UNC5C: variants seen among roughly 807,000 people sequenced by gnomAD.
The protein encoded by UNC5C is netrin receptor UNC5C.
In UNC5C, 47 loss-of-function variants were observed where a neutral mutation model predicts 99.8. That is an observed-to-expected ratio of 0.47 (90% CI 0.37 to 0.60). UNC5C has a LOEUF of 0.60. Among genes scored for constraint, UNC5C ranks in the 20% least tolerant of loss-of-function variants. The pLI, the probability that UNC5C is intolerant of heterozygous loss-of-function variation, is 0.00. For synonymous variants in UNC5C, 487 were observed against 452.2 expected (o/e 1.08, Z -0.98); for missense variants, 1,062 against 1,165.9 (o/e 0.91, Z 1.30).
Position 95,480,756 on chromosome 4 carries a change from A to G in UNC5C, c.124+67978T>C, listed in dbSNP as rs1423375867. ...CATATAAACAAAACAAAAGAAAAAA[A>G]CCACATGATTATCTCAATAGATGCA... is the stretch of plus-strand genomic sequence containing the variant. On this transcript the variant is annotated intron_variant, in intron 1 of 15. Transcript: ENST00000453304. Among the ~76,000 whole-genome samples the G allele has an allele frequency of 2.6e-5, 4 of 152,236 alleles. No individual in the cohort carries two copies. The East Asian group carries it at 7.8e-4, about 30-fold the overall frequency.
At chr4:95,339,523 A>G (rs1395914527) in intron 1 of UNC5C, among the ~76,000 whole-genome samples, 1 of 152,050 alleles carries the variant, frequency 6.6e-6, no homozygotes, top group South Asian at 2.1e-4. Context: ...TTGGAGCTAT[A>G]AAAAAATTGA....
At chr4:95,482,607 C>G (rs1404203671) in intron 1 of UNC5C, among the ~76,000 whole-genome samples, 1 of 147,420 alleles carries the variant, frequency 6.8e-6, no homozygotes, top group Non-Finnish European at 1.5e-5. Context: ...TTGGAACCAA[C>G]CCAAATGTCC....
At chr4:95,516,037 G>GA (rs1722209833) in intron 1 of UNC5C, among the ~76,000 whole-genome samples, 1 of 152,062 alleles carries the variant, frequency 6.6e-6, no homozygotes, top group African/African-American at 2.4e-5. Flanking sequence ...GACAAATCAA[G>GA]TAAAAAATTA....
chr4:95,260,674 C>T (rs946185766), intron 4 of UNC5C, among the ~76,000 whole-genome samples: 1 of 152,046 alleles, frequency 6.6e-6, no homozygotes, highest in Non-Finnish European at 1.5e-5. Flanking sequence ...GGGATGTGAC[C>T]TTGAGGGGAA....
chr4:95,174,432 G>A (rs1421735840), intron 14 of UNC5C, among the ~76,000 whole-genome samples: 2 of 151,902 alleles, frequency 1.3e-5, no homozygotes, highest in African/African-American at 4.8e-5. Context: ...CAGAGATTCT[G>A]GTATGTTGTG....
intron 1 of UNC5C, among the ~76,000 whole-genome samples, chr4:95,384,828 G>GA (rs1222222222): frequency 3.3e-5 from 5 of 152,204 alleles, no homozygotes; most frequent in African/African-American, 1.2e-4. Flanking sequence ...GGAGAAGAGG[G>GA]AACAAAATTT....
chr4:95,497,403 T>C (rs1310472340), intron 1 of UNC5C, among the ~76,000 whole-genome samples: 1 of 151,974 alleles, frequency 6.6e-6, no homozygotes, highest in African/African-American at 2.4e-5. Context: ...ATTAATTCTA[T>C]TCTACACTTA....
intron 1 of UNC5C, among the ~76,000 whole-genome samples, chr4:95,410,061 G>A (rs1322038329): frequency 1.3e-5 from 2 of 152,116 alleles, no homozygotes; most frequent in Admixed American, 6.5e-5. Context: ...TGAAAATAGT[G>A]ACTGCTAGTG....
rs56722105 is a variant in UNC5C, at chr4:95,331,171, A to G, written c.346+4239T>C. ...GTTTCAGTCTTTTTTATGGATGAATAGTATTCTATTGTTTGTATATATCAC... is the reference window on the plus strand; with the variant it reads ...GTTTCAGTCTTTTTTATGGATGAATGGTATTCTATTGTTTGTATATATCAC... On this transcript the variant is annotated intron_variant, in intron 2 of 15. Coordinates refer to ENST00000453304, the MANE Select transcript of UNC5C (RefSeq NM_003728.4). Among the ~76,000 whole-genome samples the G allele has an allele frequency of 1.6e-3, 240 of 152,228 alleles. 1 individual carries two copies. Among genetic ancestry groups the G allele is most frequent in the African/African-American group, 5.2e-3 (216 of 41,572 alleles).
intron 14 of UNC5C, among the ~76,000 whole-genome samples, chr4:95,182,244 A>T (rs1006036077): frequency 3.3e-5 from 5 of 152,240 alleles, no homozygotes; most frequent in African/African-American, 1.2e-4. Context: ...TGAAGATCAC[A>T]GCAAAGGAAG....
intron 2 of UNC5C, among the ~76,000 whole-genome samples, chr4:95,308,855 T>C (rs991777169): frequency 6.6e-6 from 1 of 151,064 alleles, no homozygotes; most frequent in African/African-American, 2.4e-5. Context: ...ATGTTCATAT[T>C]ACCCAAAGTG....
intron 1 of UNC5C, among the ~76,000 whole-genome samples, chr4:95,495,817 C>T (rs1250073301): frequency 6.6e-6 from 1 of 151,514 alleles, no homozygotes; most frequent in Admixed American, 6.6e-5. Flanking sequence ...ACTACAGAAG[C>T]AACAACAATC....
chr4:95,176,337 A>T (rs1013496979), intron 14 of UNC5C, among the ~76,000 whole-genome samples: 1 of 151,860 alleles, frequency 6.6e-6, no homozygotes, highest in African/African-American at 2.4e-5. Context: ...TAGAGTTTCC[A>T]GTTTTTCTGC....
At chr4:95,301,530 G>A in intron 3 of UNC5C, 76 bp downstream of exon 3, 5 of 1,591,938 alleles carry the variant, frequency 3.1e-6, no homozygotes, top group Non-Finnish European at 4.3e-6. Flanking sequence ...TTTGGTGCTG[G>A]AGTAGTCACA....
intron 14 of UNC5C, among the ~76,000 whole-genome samples, chr4:95,175,451 T>C (rs1736300064): frequency 6.6e-6 from 1 of 151,484 alleles, no homozygotes; most frequent in African/African-American, 2.4e-5. Flanking sequence ...GGTGACAAAA[T>C]CTCTCAGCAT....
intron 7 of UNC5C, among the ~76,000 whole-genome samples, chr4:95,229,499 T>G (rs1738822403): frequency 6.6e-6 from 1 of 152,230 alleles, no homozygotes; most frequent in African/African-American, 2.4e-5. Flanking sequence ...GGTGTATATG[T>G]GCCACATTTT....
At chr4:95,435,351 C>G (rs1746745375) in intron 1 of UNC5C, among the ~76,000 whole-genome samples, 1 of 152,012 alleles carries the variant, frequency 6.6e-6, no homozygotes, top group Non-Finnish European at 1.5e-5. Flanking sequence ...ATAGCCACCT[C>G]TTTTTTACCA....
chr4:95,467,061 C>A (rs1343353806), intron 1 of UNC5C, among the ~76,000 whole-genome samples: 1 of 152,104 alleles, frequency 6.6e-6, no homozygotes, highest in East Asian at 1.9e-4. Flanking sequence ...GGCCTCCTGC[C>A]AACAGCCACA....
intron 1 of UNC5C, among the ~76,000 whole-genome samples, chr4:95,425,352 C>G (rs1032418681): frequency 6.6e-6 from 1 of 152,200 alleles, no homozygotes; most frequent in African/African-American, 2.4e-5. Flanking sequence ...GACGGAGTCT[C>G]GCTTTGTCAC....
Sources: gnomAD v4.1 joint callset for allele counts (sites outside exome capture counted in the v4.1 genomes callset) on GRCh38, gnomAD v4.1.1 for gene constraint, MANE v1.5 for transcripts, NCBI Gene and HGNC (gene_info 2026-07-23, HGNC 2026-07-21) for gene names.